The following CLCN3 variants were observed in gnomAD, a reference collection of about 807,000 sequenced individuals.
CLCN3 encodes the protein H(+)/Cl(-) exchange transporter 3.
CLCN3 carries 16 observed loss-of-function variants against 83.4 expected under a neutral mutation model. The observed-to-expected ratio is 0.19, with a 90% confidence interval of 0.13 to 0.29. The LOEUF (loss-of-function observed/expected upper bound fraction) is 0.29. CLCN3 is among the 10% of genes least tolerant of loss of function. CLCN3 has a pLI of 1.00. For missense variants in CLCN3, 544 were observed against 1,006.0 expected (o/e 0.54, Z 6.21); for synonymous variants, 322 against 346.2 (o/e 0.93, Z 0.78).
intron 2 of CLCN3, among the ~76,000 whole-genome samples, chr4:169,648,671 G>A (rs772168410): frequency 1.2e-4 from 19 of 152,140 alleles, no homozygotes; most frequent in Non-Finnish European, 2.4e-4. Flanking sequence ...TAGTGATAGA[G>A]GGTACTATTA....
At chr4:169,690,408 G>T in intron 5 of CLCN3, 122 bp from the exon 6 acceptor site, 5 of 993,870 alleles carry the variant, frequency 5.0e-6, no homozygotes, top group Non-Finnish European at 7.3e-6. Context: ...AACCTCCCCA[G>T]TGCTGGGATT....
chr4:169,665,993 T>G (rs1432155552), intron 2 of CLCN3, among the ~76,000 whole-genome samples: 1 of 151,778 alleles, frequency 6.6e-6, no homozygotes, highest in East Asian at 1.9e-4. Flanking sequence ...TTTTTTTTTT[T>G]AAGTTCAGTT....
intron 2 of CLCN3, among the ~76,000 whole-genome samples, chr4:169,659,375 A>T (rs1485509598): frequency 6.6e-6 from 1 of 152,230 alleles, no homozygotes; most frequent in Non-Finnish European, 1.5e-5. Context: ...TCTGAATTTT[A>T]TAACAATTTC....
chr4:169,667,519 A>G (rs1021585122), intron 2 of CLCN3, among the ~76,000 whole-genome samples: 1 of 152,150 alleles, frequency 6.6e-6, no homozygotes, highest in Non-Finnish European at 1.5e-5. Context: ...TATTTTTACA[A>G]GAAAGTTGCA....
At chr4:169,702,273 C>G (rs1732818426) in intron 9 of CLCN3, among the ~76,000 whole-genome samples, 1 of 152,128 alleles carries the variant, frequency 6.6e-6, no homozygotes, top group Non-Finnish European at 1.5e-5. Context: ...GACTAGCTAC[C>G]TGCTGTAACA....
chr4:169,675,377 G>GT (rs1486908717), intron 2 of CLCN3, among the ~76,000 whole-genome samples: 2 of 152,074 alleles, frequency 1.3e-5, no homozygotes, highest in Non-Finnish European at 2.9e-5. Flanking sequence ...ATATATAATT[G>GT]TTTTTTAATC....
At chr4:169,716,880 T>C (rs1733441920) in intron 12 of CLCN3, among the ~76,000 whole-genome samples, 1 of 152,126 alleles carries the variant, frequency 6.6e-6, no homozygotes, top group South Asian at 2.1e-4. Flanking sequence ...CTTAATGAGA[T>C]CATCAAGGAA....
Position 169,685,521 on chromosome 4 carries a change from T to C in CLCN3, c.319-2137T>C, listed in dbSNP as rs527282607. Among the ~76,000 whole-genome samples the C allele has an allele frequency of 3.5e-4, 53 of 152,350 alleles. 1 individual carries two copies. Among genetic ancestry groups the C allele is most frequent in the African/African-American group, 1.2e-3 (51 of 41,586 alleles). On this transcript the variant is annotated intron_variant, in intron 3 of 12. Coordinates refer to ENST00000513761, the MANE Select transcript of CLCN3 (RefSeq NM_001829.4). ...ATCTTGCTTTTTTCCTGTATAATGC[T>C]AAATATATCTCATTCTTTTTAATTG...
At position 169,704,039 on chromosome 4, in the gene CLCN3, G is replaced by T; in HGVS notation, c.1605G>T (p.Ala535=). ...GLFIPSMAIG[A]IAGRIVGIAV... is the part of the protein sequence containing the mutation. ...TCATCCCCAGCATGGCCATTGGAGCGATCGCAGGAAGGATTGTGGGGATTG... is the reference window on the plus strand; with the variant it reads ...TCATCCCCAGCATGGCCATTGGAGCTATCGCAGGAAGGATTGTGGGGATTG... Residue 535 remains alanine (A), a synonymous_variant, in exon 10 of 13, where the codon GCG becomes GCT. Transcript: ENST00000513761. 1.2e-6 allele frequency: 2 copies of T among 1,614,086 alleles called. No homozygotes were observed. The highest frequency in any genetic ancestry group is 1.7e-6 in the Non-Finnish European group (2 of 1,179,994).
At chr4:169,712,150 AC>A (rs1410904597) in intron 11 of CLCN3, among the ~76,000 whole-genome samples, 1 of 151,192 alleles carries the variant, frequency 6.6e-6, no homozygotes, top group Non-Finnish European at 1.5e-5. Context: ...AGCCTGAGCC[AC>A]CATGGCCGGC....
At chr4:169,623,272 C>A (rs1032203842) in intron 1 of CLCN3, among the ~76,000 whole-genome samples, 29 of 152,150 alleles carry the variant, frequency 1.9e-4, no homozygotes, top group Admixed American at 6.5e-5. Flanking sequence ...TTGTTATAAT[C>A]TGAGTGTTAT....
At chr4:169,672,081 G>A (rs2150230238) in intron 2 of CLCN3, among the ~76,000 whole-genome samples, 1 of 152,076 alleles carries the variant, frequency 6.6e-6, no homozygotes. Context: ...GCGTGGTGGT[G>A]GGCGCCTGTA....
chr4:169,695,785 A>G, intron 8 of CLCN3, 93 bp downstream of exon 8: 2 of 753,956 alleles, frequency 2.7e-6, no homozygotes, highest in Non-Finnish European at 4.2e-6. Flanking sequence ...TGTAATAGGT[A>G]GAGACTTTGT....
chr4:169,697,743 T>G lies in CLCN3; in HGVS notation c.1563+9T>G. ...TCACTTTTGGCATCAAGGTAAGTGC[T>G]AATGTGAGGTGATATTTGGGTAATT... On this transcript the variant is annotated intron_variant, in intron 9 of 12. Coordinates refer to ENST00000513761, the MANE Select transcript of CLCN3 (RefSeq NM_001829.4). The G allele has an allele frequency of 6.4e-7, 1 of 1,570,456 alleles. No homozygotes were observed. Among genetic ancestry groups the G allele is most frequent in the Non-Finnish European group, 8.7e-7 (1 of 1,154,578 alleles).
chr4:169,624,132 AT>A (rs980010281), intron 1 of CLCN3, among the ~76,000 whole-genome samples: 2 of 152,152 alleles, frequency 1.3e-5, no homozygotes, highest in Non-Finnish European at 2.9e-5. Context: ...TTCCTATGGT[AT>A]AGTAGTGACT....
At chr4:169,677,449 T>A (rs1436252887) in intron 2 of CLCN3, among the ~76,000 whole-genome samples, 1 of 152,256 alleles carries the variant, frequency 6.6e-6, no homozygotes, top group Non-Finnish European at 1.5e-5. Context: ...CTGTGTGGCA[T>A]CCAAAGCCTA....
At chr4:169,691,318 T>C (rs1253058373) in intron 6 of CLCN3, among the ~76,000 whole-genome samples, 2 of 152,114 alleles carry the variant, frequency 1.3e-5, no homozygotes, top group African/African-American at 4.8e-5. Flanking sequence ...CACGTGGCTA[T>C]GACCCTGATT....
At chr4:169,663,304 A>T (rs1031188943) in intron 2 of CLCN3, among the ~76,000 whole-genome samples, 22 of 87,450 alleles carry the variant, frequency 2.5e-4, no homozygotes, top group African/African-American at 1.1e-3. Flanking sequence ...TACTGTCCTA[A>T]GTGGGTTTTT....
intron 2 of CLCN3, among the ~76,000 whole-genome samples, chr4:169,661,361 C>A (rs909440733): frequency 6.6e-6 from 1 of 152,008 alleles, no homozygotes; most frequent in Non-Finnish European, 1.5e-5. Flanking sequence ...TTAACCCAAA[C>A]TTTTATTTGT....
Sources: gnomAD v4.1 joint callset for allele counts (sites outside exome capture counted in the v4.1 genomes callset) on GRCh38, gnomAD v4.1.1 for gene constraint, MANE v1.5 for transcripts, NCBI Gene and HGNC (gene_info 2026-07-23, HGNC 2026-07-21) for gene names.